MYH15: variants seen among roughly 807,000 people sequenced by gnomAD.
MYH15 encodes myosin-15.
MYH15 carries 227 observed loss-of-function variants against 240.5 expected under a neutral mutation model. That is an observed-to-expected ratio of 0.94 (90% CI 0.85 to 1.05). The LOEUF (loss-of-function observed/expected upper bound fraction) is 1.05, where lower values mean the gene tolerates loss of function less well. Ranked by LOEUF, MYH15 falls within the 50% of genes least tolerant of loss-of-function variation. The probability of loss-of-function intolerance (pLI) is 0.00; values close to 1 mark genes in which losing one functional copy is unlikely to be tolerated. For missense variants in MYH15, 2,217 were observed against 2,247.5 expected, an observed-to-expected ratio of 0.99 and a Z score of 0.27; for synonymous variants, 785 against 796.7, an observed-to-expected ratio of 0.99 and a Z score of 0.25.
intron 7 of MYH15, among the ~76,000 whole-genome samples, chr3:108,493,463 T>C (rs927328019): frequency 1.3e-5 from 2 of 152,246 alleles, no homozygotes; most frequent in African/African-American, 4.8e-5. Flanking sequence ...GCTACCTGTG[T>C]ATTCTTGTGG....
intron 27 of MYH15, among the ~76,000 whole-genome samples, chr3:108,426,817 G>A (rs576014765): frequency 3.9e-5 from 6 of 152,184 alleles, no homozygotes; most frequent in African/African-American, 1.2e-4. Context: ...CCTGCCAGGG[G>A]GGGGCAGTGC....
At chr3:108,418,637 CTTT>C (rs35597878) in intron 28 of MYH15, among the ~76,000 whole-genome samples, 4 of 144,568 alleles carry the variant, frequency 2.8e-5, no homozygotes, top group Admixed American at 6.8e-5. Flanking sequence ...CATCTTGTGG[CTTT>C]TTTTTTTTTT....
chr3:108,502,381 C>T lies in MYH15; in HGVS notation c.196-526G>A, dbSNP rs568275519. 3.9e-5 allele frequency among the ~76,000 whole-genome samples: 6 copies of T among 152,196 alleles called. No individual in the cohort carries two copies. The East Asian group carries it at 1.2e-3, about 29-fold the overall frequency. On this transcript the variant is annotated intron_variant, in intron 2 of 40. Transcript: ENST00000693548. ...TTTGTACTATCTTTACATTAATACT[C>T]TTTTGTATATTTTAATAATTGACTA...
intron 30 of MYH15, among the ~76,000 whole-genome samples, chr3:108,411,611 C>T (rs144226318): frequency 7.0e-4 from 106 of 152,276 alleles, no homozygotes; most frequent in African/African-American, 2.4e-3. Context: ...TCTTTCTCCA[C>T]CACCCCCGTA....
rs2082851581 is a variant in MYH15 at position 108,437,670 on chromosome 3, T to C, written c.3105A>G (p.Lys1035=). 4.3e-6 allele frequency: 7 copies of C among 1,613,730 alleles called. No individual in the cohort carries two copies. Among genetic ancestry groups the C allele is most frequent in the Non-Finnish European group, 5.1e-6 (6 of 1,179,900 alleles). Residue 1035 remains lysine, a synonymous_variant, in exon 25 of 41, where the codon AAA becomes AAG. Transcript: ENST00000693548. Reference sequence around the variant, plus strand: ...GTTCCCTTTCACAGTTCATTCTCGCTTTTCTCTCCTGCTCAAGGGCACCCT... The same window carrying C: ...GTTCCCTTTCACAGTTCATTCTCGCCTTTCTCTCCTGCTCAAGGGCACCCT... ...ELEGALEQER[K]ARMNCERELH... is the part of the protein sequence containing the mutation.
At chr3:108,411,532 A>T (rs1576216742) in intron 30 of MYH15, among the ~76,000 whole-genome samples, 1 of 152,158 alleles carries the variant, frequency 6.6e-6, no homozygotes, top group Non-Finnish European at 1.5e-5. Context: ...TACTGTTCTT[A>T]TGGGGTTTTT....
In MYH15 at chr3:108,460,302, T is replaced by C. The variant is rs761134573; in HGVS notation, c.1930A>G (p.Lys644Glu). Residue 644 changes from lysine to glutamate, a missense_variant and splice_region_variant, in exon 17 of 41, where the codon AAA (lysine) becomes GAA (glutamate). Transcript: ENST00000693548. The stretch of plus-strand genomic sequence containing the variant: ...GAATAGACGCAATTAAAAATTACTT[T>C]ATGCAGAGATGCAACCGTTTGGAAT... ...ASFQTVASLH[K>E]ENLNKLMTNL... 2.5e-6 allele frequency: 4 copies of C among 1,597,048 alleles called. No homozygotes were observed. The highest frequency in any genetic ancestry group is 4.5e-5 in the East Asian group (2 of 44,642).
chr3:108,518,932 A>G (rs1452212003), intron 1 of MYH15, among the ~76,000 whole-genome samples: 1 of 152,210 alleles, frequency 6.6e-6, no homozygotes, highest in Non-Finnish European at 1.5e-5. Flanking sequence ...ATCTGAGGGC[A>G]GGACTAGGTC....
chr3:108,523,084 T>C (rs1312273465), intron 1 of MYH15, among the ~76,000 whole-genome samples: 3 of 152,108 alleles, frequency 2.0e-5, no homozygotes, highest in Non-Finnish European at 2.9e-5. Flanking sequence ...TGTAAGATCA[T>C]ATGCTTCTGA....
intron 37 of MYH15, among the ~76,000 whole-genome samples, chr3:108,389,503 AT>A (rs1204890567): frequency 1.3e-5 from 2 of 152,090 alleles, no homozygotes; most frequent in African/African-American, 2.4e-5. Flanking sequence ...TGTCACATGT[AT>A]GTCACCCACA....
At chr3:108,517,252 C>T (rs1029404734) in intron 1 of MYH15, among the ~76,000 whole-genome samples, 2 of 152,216 alleles carry the variant, frequency 1.3e-5, no homozygotes, top group African/African-American at 4.8e-5. Flanking sequence ...CCTTCTCCTA[C>T]ACTTTACTAC....
intron 11 of MYH15, among the ~76,000 whole-genome samples, chr3:108,478,164 T>C (rs1448468701): frequency 6.6e-6 from 1 of 152,094 alleles, no homozygotes; most frequent in African/African-American, 2.4e-5. Flanking sequence ...CAAAACACAA[T>C]TAGAGAGCTC....
chr3:108,472,166 G>A (rs1289631110), intron 12 of MYH15, among the ~76,000 whole-genome samples: 1 of 152,192 alleles, frequency 6.6e-6, no homozygotes, highest in African/African-American at 2.4e-5. Flanking sequence ...TAACCTACTG[G>A]GGAGAGCGCC....
At chr3:108,503,091 G>A (rs1352810953) in intron 2 of MYH15, among the ~76,000 whole-genome samples, 4 of 152,100 alleles carry the variant, frequency 2.6e-5, no homozygotes, top group African/African-American at 9.7e-5. Flanking sequence ...TGAGGAAGAG[G>A]AATCCTGGAG....
intron 12 of MYH15, 42 bp from the exon 13 acceptor site, chr3:108,470,889 G>A (rs1195695619): frequency 8.1e-6 from 13 of 1,600,928 alleles, no homozygotes; most frequent in South Asian, 3.4e-5. Flanking sequence ...TGACTGAAGT[G>A]TTCATTTTAA....
chr3:108,413,368 A>T (rs184635136), intron 30 of MYH15, among the ~76,000 whole-genome samples: 1 of 152,356 alleles, frequency 6.6e-6, no homozygotes, highest in Admixed American at 6.5e-5. Context: ...GCTGTTCAGC[A>T]ATTGCACAGC....
intron 35 of MYH15, among the ~76,000 whole-genome samples, chr3:108,398,420 C>T (rs1019431525): frequency 3.3e-5 from 5 of 152,222 alleles, no homozygotes; most frequent in Non-Finnish European, 7.3e-5. Context: ...AAATAAACTT[C>T]CGTTGCTTTA....
chr3:108,401,366 T>C (rs1030655707), intron 33 of MYH15, among the ~76,000 whole-genome samples: 6 of 139,458 alleles, frequency 4.3e-5, no homozygotes, highest in African/African-American at 1.6e-4. Context: ...GAGGATGCAG[T>C]GAAAATGTGA....
At chr3:108,464,363 CTT>C (rs2083096049) in intron 15 of MYH15, among the ~76,000 whole-genome samples, 1 of 152,168 alleles carries the variant, frequency 6.6e-6, no homozygotes, top group South Asian at 2.1e-4. Context: ...AAAACCATGA[CTT>C]TGATGGTCTC....
Sources: allele counts gnomAD v4.1 joint callset (sites outside exome capture counted in the v4.1 genomes callset), GRCh38; gene constraint gnomAD v4.1.1; transcripts MANE v1.5; gene names NCBI Gene and HGNC (gene_info 2026-07-23, HGNC 2026-07-21).